Variants in SBNO1 observed in about 807,000 individuals in gnomAD.
SBNO1 encodes strawberry notch homolog 1.
In SBNO1, 23 loss-of-function variants were observed where a neutral mutation model predicts 173.6. The ratio of observed to expected loss-of-function variants is 0.13; its 90% confidence interval spans 0.10 to 0.19. The LOEUF (loss-of-function observed/expected upper bound fraction) is 0.19. Ranked by LOEUF, SBNO1 falls within the 10% of genes least tolerant of loss-of-function variation. The probability of loss-of-function intolerance (pLI) is 1.00; values close to 1 mark genes in which losing one functional copy is unlikely to be tolerated. For synonymous variants in SBNO1, 632 were observed against 571.5 expected (o/e 1.11, Z -1.51); for missense variants, 1,238 against 1,671.2 (o/e 0.74, Z 4.52).
chr12:123,316,386 G>C, intron 21 of SBNO1, among the ~76,000 whole-genome samples: 1 of 151,134 alleles, frequency 6.6e-6, no homozygotes, highest in South Asian at 2.1e-4. Flanking sequence ...CACCACGCCC[G>C]GCTAATTTTG....
chr12:123,304,637 G>C lies in SBNO1; in HGVS notation c.3713C>G (p.Thr1238Ser). 1 of 1,574,012 alleles carries C rather than the reference G, an allele frequency of 6.4e-7. No homozygotes were observed. Among genetic ancestry groups the C allele is most frequent in the South Asian group, 1.1e-5 (1 of 89,446 alleles). ...KKLFLVYRPN[T>S]GKQLKLEIYA... ...AATTTCTAATTTGAGCTGCTTCCCAGTATTTGGTCGATAAACTAAGAAAAG... is the reference window on the plus strand; with the variant it reads ...AATTTCTAATTTGAGCTGCTTCCCACTATTTGGTCGATAAACTAAGAAAAG... Residue 1238 changes from threonine (T) to serine (S), a missense_variant, in exon 29 of 32, where the codon ACT becomes AGT. Thr to Ser is a moderately conservative substitution (Grantham distance 58). This residue lies in a region of SBNO1 where 351 missense variants were observed against 420.3 expected (regional missense o/e 0.84). Coordinates refer to ENST00000602398, the MANE Select transcript of SBNO1 (RefSeq NM_001167856.3).
chr12:123,311,304 T>C (rs1202390253), intron 24 of SBNO1, among the ~76,000 whole-genome samples, 175 bp from the exon 25 acceptor site: 1 of 152,228 alleles, frequency 6.6e-6, no homozygotes, highest in Non-Finnish European at 1.5e-5. Context: ...CTGTCATCTG[T>C]GACCTAAGAA....
intron 24 of SBNO1, among the ~76,000 whole-genome samples, chr12:123,313,246 A>AAAT (rs1156767215): frequency 8.8e-5 from 13 of 147,690 alleles, no homozygotes; most frequent in African/African-American, 1.2e-4. Flanking sequence ...ATAAATAAAT[A>AAAT]AATAAATAAT....
rs1294451103 is a variant in SBNO1, at chr12:123,336,577, C to T, written c.652-86G>A. On this transcript the variant is annotated intron_variant, in intron 5 of 31. Transcript: ENST00000602398. ...ACAGAAAAACTCTCTTGTAGGAACA[C>T]CTACAAATTTCCATCATGGAAACAT... The T allele has an allele frequency of 1.6e-5, 12 of 771,238 alleles. 1 individual carries two copies. The Admixed American group carries it at 2.4e-4, about 16-fold the overall frequency. The allele number at this position is 771,238 out of a possible 1,614,324, so 47.8% of individuals were successfully genotyped here.
At chr12:123,339,690 G>A (rs904697312) in intron 5 of SBNO1, among the ~76,000 whole-genome samples, 1 of 152,098 alleles carries the variant, frequency 6.6e-6, no homozygotes, top group Admixed American at 6.6e-5. Context: ...AGGAAGCTGA[G>A]GCAGAAGAAT....
chr12:123,333,454 G>A (rs1871464159), intron 7 of SBNO1, among the ~76,000 whole-genome samples: 1 of 151,818 alleles, frequency 6.6e-6, no homozygotes, highest in South Asian at 2.1e-4. Context: ...ACAGTTCCAG[G>A]GAACACACTC....
At chr12:123,352,923 G>A (rs1874053643) in intron 1 of SBNO1, among the ~76,000 whole-genome samples, 2 of 152,072 alleles carry the variant, frequency 1.3e-5, no homozygotes, top group Non-Finnish European at 2.9e-5. Context: ...TCAGCCTCCC[G>A]AGTAGCTGGG....
intron 1 of SBNO1, among the ~76,000 whole-genome samples, chr12:123,356,742 C>T (rs1874508174): frequency 6.6e-6 from 1 of 152,226 alleles, no homozygotes; most frequent in Admixed American, 6.5e-5. Context: ...CCGTGCCCTG[C>T]ACATATCAAT....
chr12:123,302,544 G>A (rs73421388), intron 30 of SBNO1, among the ~76,000 whole-genome samples: 4,821 of 151,948 alleles, frequency 0.032, 252 homozygotes, highest in African/African-American at 0.11. Context: ...ACACCCAGCC[G>A]TGAAAAAGCA....
At chr12:123,320,888 A>G in intron 17 of SBNO1, 22 bp from the exon 18 acceptor site, 1 of 1,496,128 alleles carries the variant, frequency 6.7e-7, no homozygotes. Flanking sequence ...GGAAAGATAC[A>G]TGTCAAATCA....
At chr12:123,326,990 GTTTGTT>G (rs1268223941) in intron 13 of SBNO1, among the ~76,000 whole-genome samples, 4 of 151,986 alleles carry the variant, frequency 2.6e-5, no homozygotes, top group Non-Finnish European at 5.9e-5. Context: ...TAACTCATCT[GTTTGTT>G]TTTGTTTTTT....
chr12:123,301,499 A>C (rs992025684), intron 30 of SBNO1, among the ~76,000 whole-genome samples: 2 of 152,184 alleles, frequency 1.3e-5, no homozygotes, highest in South Asian at 2.1e-4. Flanking sequence ...CTTTTCATGA[A>C]GTGGGCCAGA....
intron 24 of SBNO1, among the ~76,000 whole-genome samples, chr12:123,312,081 C>CTTTTTT (rs71765792): frequency 6.9e-6 from 1 of 144,408 alleles, no homozygotes; most frequent in Non-Finnish European, 1.5e-5. Flanking sequence ...ATCAAGGAAT[C>CTTTTTT]TTTTTTTTTT....
intron 20 of SBNO1, among the ~76,000 whole-genome samples, chr12:123,317,864 G>GT (rs1282888306): frequency 6.6e-6 from 1 of 152,196 alleles, no homozygotes; most frequent in Non-Finnish European, 1.5e-5. Context: ...TCCAACTAAT[G>GT]TAATTCCTAA....
chr12:123,324,028 T>C (rs886706846), intron 15 of SBNO1, among the ~76,000 whole-genome samples, 197 bp from the exon 16 acceptor site: 7 of 152,210 alleles, frequency 4.6e-5, no homozygotes, highest in Non-Finnish European at 7.3e-5. Context: ...TACACAATTA[T>C]TGTATTTTCT....
At chr12:123,322,329 C>T (rs1446960324) in intron 16 of SBNO1, among the ~76,000 whole-genome samples, 3 of 151,872 alleles carry the variant, frequency 2.0e-5, no homozygotes, top group African/African-American at 7.3e-5. Context: ...AGTGTCTACT[C>T]TGTCTCCCAG....
chr12:123,346,534 G>A (rs1317860856), intron 3 of SBNO1, among the ~76,000 whole-genome samples: 1 of 152,052 alleles, frequency 6.6e-6, no homozygotes, highest in East Asian at 1.9e-4. Context: ...CGTGGTGGCG[G>A]ATGCCTATAG....
intron 6 of SBNO1, among the ~76,000 whole-genome samples, chr12:123,334,704 T>C (rs1871627725): frequency 6.6e-6 from 1 of 151,760 alleles, no homozygotes; most frequent in African/African-American, 2.4e-5. Context: ...TGAGACTCTG[T>C]CTCAAAAAAT....
chr12:123,327,370 CAG>C, intron 13 of SBNO1, 54 bp downstream of exon 13: 1 of 1,482,278 alleles, frequency 6.7e-7, no homozygotes, highest in Non-Finnish European at 9.3e-7. Flanking sequence ...CCAAAACTAA[CAG>C]AAACATTATC....
Sources: allele counts gnomAD v4.1 joint callset (sites outside exome capture counted in the v4.1 genomes callset), GRCh38; gene constraint gnomAD v4.1.1; regional missense constraint gnomAD v4.1.1; transcripts MANE v1.5; gene names NCBI Gene and HGNC (gene_info 2026-07-23, HGNC 2026-07-21).